The following INSL6 variants were observed in gnomAD, a reference collection of about 807,000 sequenced individuals.
INSL6 encodes the protein insulin-like peptide INSL6.
A neutral mutation model predicts 9.4 loss-of-function variants in INSL6; 16 were observed. The observed-to-expected ratio is 1.70, with a 90% CI of 1.15 to 2.59. The LOEUF (loss-of-function observed/expected upper bound fraction) is 2.59. Among genes scored for constraint, INSL6 ranks in the 30% most tolerant of loss-of-function variants. INSL6 has a pLI of 0.00. For missense variants in INSL6, 391 were observed against 257.3 expected, an observed-to-expected ratio of 1.52 and a Z score of -3.56; for synonymous variants, 154 against 96.9, an observed-to-expected ratio of 1.59 and a Z score of -3.46.
the INSL6 span, among the ~76,000 whole-genome samples, chr9:5,092,599 G>C: frequency 6.6e-6 from 1 of 152,126 alleles, no homozygotes; most frequent in Non-Finnish European, 1.5e-5. Context: ...AGTACCGTAA[G>C]GGAAAGATGA....
the INSL6 span, among the ~76,000 whole-genome samples, chr9:5,105,543 T>G: frequency 2.0e-5 from 3 of 152,222 alleles, no homozygotes; most frequent in African/African-American, 7.2e-5. Context: ...ATGACTTTTT[T>G]CATAGAACTG....
chr9:4,992,267 G>A, the INSL6 span, among the ~76,000 whole-genome samples: 1 of 152,174 alleles, frequency 6.6e-6, no homozygotes, highest in Non-Finnish European at 1.5e-5. Context: ...TGGCTTCAGG[G>A]TGGTCACCTT....
At chr9:5,029,638 T>C in the INSL6 span, 1 of 600,306 alleles carries the variant, frequency 1.7e-6, no homozygotes. Context: ...GTTGTAGGGG[T>C]TGGTATATCA....
chr9:5,106,886 AAG>A, the INSL6 span, among the ~76,000 whole-genome samples: 10 of 151,570 alleles, frequency 6.6e-5, no homozygotes, highest in African/African-American at 2.4e-4. Flanking sequence ...ACATCACACA[AAG>A]GGGCCCGGGG....
the INSL6 span, among the ~76,000 whole-genome samples, chr9:5,064,190 A>G: frequency 6.6e-6 from 1 of 151,932 alleles, no homozygotes; most frequent in East Asian, 1.9e-4. Flanking sequence ...GCATAGCTAC[A>G]TATCCTAACA....
chr9:5,012,983 A>G, the INSL6 span, among the ~76,000 whole-genome samples: 22 of 151,382 alleles, frequency 1.5e-4, no homozygotes, highest in Middle Eastern at 3.4e-3. Context: ...GTAGTTGTGG[A>G]AAAAAAAGCC....
the INSL6 span, among the ~76,000 whole-genome samples, chr9:5,061,782 C>A: frequency 6.6e-6 from 1 of 152,206 alleles, no homozygotes; most frequent in Non-Finnish European, 1.5e-5. Context: ...AGAGGCCTAG[C>A]TTTCAGCGTG....
At chr9:5,001,944 G>C in the INSL6 span, among the ~76,000 whole-genome samples, 1 of 151,838 alleles carries the variant, frequency 6.6e-6, no homozygotes, top group African/African-American at 2.4e-5. Flanking sequence ...AATCTAACTT[G>C]TTAAAGTCAT....
chr9:5,164,930 C>G (rs1825016341), intron 1 of INSL6, among the ~76,000 whole-genome samples: 2 of 152,142 alleles, frequency 1.3e-5, no homozygotes, highest in Non-Finnish European at 2.9e-5. Context: ...GCTGATGGCC[C>G]AGCATAGTGG....
chr9:5,082,009 G>T, the INSL6 span: 9 of 676,752 alleles, frequency 1.3e-5, no homozygotes, highest in Middle Eastern at 3.1e-4. Context: ...GAAATGCTGT[G>T]TTAAATAAAC....
the INSL6 span, among the ~76,000 whole-genome samples, chr9:4,997,090 G>A: frequency 9.4e-4 from 143 of 151,784 alleles, no homozygotes; most frequent in African/African-American, 3.4e-3. Context: ...CACTAGGCCT[G>A]GCTAATTTTT....
the INSL6 span, among the ~76,000 whole-genome samples, chr9:5,023,763 T>C: frequency 6.6e-6 from 1 of 152,180 alleles, no homozygotes; most frequent in Non-Finnish European, 1.5e-5. Context: ...GTTTTAGTTT[T>C]TAGTGGGGAA....
chr9:5,085,627 G>T, the INSL6 span: 1 of 710,624 alleles, frequency 1.4e-6, no homozygotes, highest in Non-Finnish European at 2.6e-6. Context: ...AGCAAGGACA[G>T]CCTTCTTTTC....
the INSL6 span, among the ~76,000 whole-genome samples, chr9:5,063,690 T>A: frequency 0.24 from 36,391 of 152,066 alleles, 4,689 homozygotes; most frequent in South Asian, 0.3. Flanking sequence ...AAAAGTTGCA[T>A]AAGAGTGTTT....
At chr9:5,161,304 T>C (rs1181862945), downstream of INSL6, among the ~76,000 whole-genome samples, 1 of 152,182 alleles carries the variant, frequency 6.6e-6, no homozygotes, top group Admixed American at 6.5e-5. Context: ...CATTGTGATC[T>C]ATCAAGAGAA....
the INSL6 span, chr9:5,089,730 G>A: frequency 5.7e-6 from 9 of 1,580,184 alleles, no homozygotes; most frequent in East Asian, 7.1e-5. Context: ...ACAACACTGG[G>A]GAGGTGGTCG....
the INSL6 span, among the ~76,000 whole-genome samples, chr9:5,117,957 C>T: frequency 1.3e-5 from 2 of 152,162 alleles, no homozygotes; most frequent in Non-Finnish European, 2.9e-5. Context: ...AAACCACATC[C>T]TCTTACACAT....
chr9:5,007,784 A>G, the INSL6 span, among the ~76,000 whole-genome samples: 14 of 151,100 alleles, frequency 9.3e-5, no homozygotes, highest in African/African-American at 3.4e-4. Context: ...CAGTGGTGTG[A>G]TATCTGAGCC....
At chr9:5,098,269 C>G in the INSL6 span, 4 of 152,082 alleles carry the variant, frequency 2.6e-5, no homozygotes, top group African/African-American at 4.8e-5. Flanking sequence ...GTGACTTTCT[C>G]GATAAGATAT....
Sources: gnomAD v4.1 joint callset for allele counts (sites outside exome capture counted in the v4.1 genomes callset) on GRCh38, gnomAD v4.1.1 for gene constraint, MANE v1.5 for transcripts, NCBI Gene and HGNC (gene_info 2026-07-23, HGNC 2026-07-21) for gene names.